The following MYOCD variants were observed in gnomAD, a reference collection of about 807,000 sequenced individuals.
MYOCD encodes the protein myocardin.
A neutral mutation model predicts 96.1 loss-of-function variants in MYOCD; 32 were observed. That is an observed-to-expected ratio of 0.33 (90% CI 0.25 to 0.45). The LOEUF (loss-of-function observed/expected upper bound fraction) is 0.45, where lower values mean the gene tolerates loss of function less well. Among genes scored for constraint, MYOCD ranks in the 20% least tolerant of loss-of-function variants. MYOCD has a pLI of 1.00. For missense variants in MYOCD, 1,133 were observed against 1,200.6 expected (o/e 0.94, Z 0.83); for synonymous variants, 469 against 469.0 (o/e 1.00, Z 0.00).
chr17:12,744,496 A>G (rs1005857060), intron 8 of MYOCD, 60 bp downstream of exon 8: 1 of 1,534,042 alleles, frequency 6.5e-7, no homozygotes, highest in East Asian at 2.5e-5. Flanking sequence ...GTGTCTATTA[A>G]TATCTATCTG....
chr17:12,757,897 C>T (rs538498297), intron 11 of MYOCD, among the ~76,000 whole-genome samples, 188 bp from the exon 12 acceptor site: 4 of 152,250 alleles, frequency 2.6e-5, no homozygotes, highest in African/African-American at 7.2e-5. Flanking sequence ...TTCTAAGACG[C>T]CACCACCAAT....
chr17:12,764,730 T>TG lies in MYOCD; in HGVS notation c.*1088dup, dbSNP rs1226575224. 6.6e-6 allele frequency: 1 copy of TG among 152,334 alleles called. No homozygotes were observed. The highest frequency in any genetic ancestry group is 1.9e-4 in the East Asian group (1 of 5,180). The allele number at this position is 152,334 out of a possible 1,614,324, so 9.4% of individuals were successfully genotyped here. Reference sequence around the variant, plus strand: ...TACCAATCCTTTCCTGTTCCTCGTTTGGCCATCTTTCTTTTTCTGCCTCCA... The same window carrying TG: ...TACCAATCCTTTCCTGTTCCTCGTTTGGGCCATCTTTCTTTTTCTGCCTCCA... On this transcript the variant is annotated 3_prime_UTR_variant, in exon 14 of 14. Transcript: ENST00000425538.
intron 1 of MYOCD, among the ~76,000 whole-genome samples, chr17:12,700,579 A>ATGATATTGAAAGAT (rs1567577995): frequency 3.3e-5 from 5 of 150,626 alleles, no homozygotes; most frequent in African/African-American, 1.2e-4. Context: ...ACACCCAGCT[A>ATGATATTGAAAGAT]ATTTTTTTGT....
In MYOCD at chr17:12,739,056, A is replaced by C. The variant is rs148065458; in HGVS notation, c.592-147A>C. 668 of 801,634 alleles carry C rather than the reference A, an allele frequency of 8.3e-4. 3 individuals carry two copies. In the African/African-American group the frequency reaches 0.01, roughly 13 times the overall value. 49.7% of individuals were successfully genotyped at this position (801,634 alleles called of 1,614,324 possible). A position where few individuals can be genotyped will look rare whatever the true frequency, so the allele number is the denominator to read the frequency against. On this transcript the variant is annotated intron_variant, in intron 6 of 13. Coordinates refer to ENST00000425538, the MANE Select transcript of MYOCD (RefSeq NM_001146312.3). ...ATATATACACACATATACGTATGTGACTCCTCCCACTGAGGGAGTAGGCTG... is the reference window on the plus strand; with the variant it reads ...ATATATACACACATATACGTATGTGCCTCCTCCCACTGAGGGAGTAGGCTG...
chr17:12,717,444 A>G lies in MYOCD; in HGVS notation c.253+23A>G, dbSNP rs12944823. ...AAGGTAAGGCTGCAAGAAATCAGAC[A>G]CCAAGAGATGCTGCAGAATGGTGGG... On this transcript the variant is annotated intron_variant, in intron 4 of 13. Coordinates refer to ENST00000425538, the MANE Select transcript of MYOCD (RefSeq NM_001146312.3). 0.77 allele frequency: 1,214,185 copies of G among 1,587,076 alleles called. 467,080 individuals carry two copies. The highest frequency in any genetic ancestry group is 0.79 in the Non-Finnish European group (910,555 of 1,156,936).
chr17:12,667,060 C>T (rs1004124433), intron 1 of MYOCD, among the ~76,000 whole-genome samples: 1 of 152,224 alleles, frequency 6.6e-6, no homozygotes, highest in African/African-American at 2.4e-5. Flanking sequence ...TGGTTAACAA[C>T]ACACTCAACA....
At chr17:12,702,406 CTACT>C (rs1181481853) in intron 1 of MYOCD, among the ~76,000 whole-genome samples, 1 of 151,786 alleles carries the variant, frequency 6.6e-6, no homozygotes, top group Non-Finnish European at 1.5e-5. Flanking sequence ...TTTTTTCCAT[CTACT>C]TACTTTCAAC....
chr17:12,699,814 C>T (rs1026491331), intron 1 of MYOCD, among the ~76,000 whole-genome samples: 1 of 150,896 alleles, frequency 6.6e-6, no homozygotes, highest in Non-Finnish European at 1.5e-5. Flanking sequence ...TAGTTGCATA[C>T]ATCAAGTAGC....
intron 2 of MYOCD, among the ~76,000 whole-genome samples, chr17:12,715,183 T>C (rs1296701661): frequency 2.0e-5 from 3 of 152,130 alleles, no homozygotes; most frequent in South Asian, 2.1e-4. Context: ...AGTCTACACC[T>C]CTCCCTCAAA....
At position 12,765,907 on chromosome 17, in the gene MYOCD, A is replaced by G. The variant is rs1257227319; in HGVS notation, c.*2263A>G. The G allele has an allele frequency of 6.6e-6, 1 of 152,216 alleles. No homozygotes were observed. The highest frequency in any genetic ancestry group is 1.5e-5 in the Non-Finnish European group (1 of 68,020). The allele number at this position is 152,216 out of a possible 1,614,324, so 9.4% of individuals were successfully genotyped here. On this transcript the variant is annotated 3_prime_UTR_variant, in exon 14 of 14. Transcript: ENST00000425538. ...AAGAAAATCATTTTACATTCCTTTT[A>G]TCTGTATTGTGCTTTAAAAGATCCA... is the stretch of plus-strand genomic sequence containing the variant.
At chr17:12,736,060 A>G in intron 5 of MYOCD, 101 bp from the exon 6 acceptor site, 1 of 902,032 alleles carries the variant, frequency 1.1e-6, no homozygotes, top group South Asian at 1.6e-5. Context: ...CTGGAGAGAG[A>G]GAGGTGTATT....
At chr17:12,714,949 A>C (rs2031592980) in intron 2 of MYOCD, among the ~76,000 whole-genome samples, 2 of 152,018 alleles carry the variant, frequency 1.3e-5, no homozygotes, top group South Asian at 4.2e-4. Flanking sequence ...GTTGGAGTTA[A>C]CTTCCCTGTC....
chr17:12,690,574 G>C (rs2030396676), intron 1 of MYOCD, among the ~76,000 whole-genome samples: 1 of 151,998 alleles, frequency 6.6e-6, no homozygotes, highest in Non-Finnish European at 1.5e-5. Context: ...GGAAAAGCAA[G>C]GCACAAAATA....
chr17:12,744,659 T>G (rs2032610669), intron 8 of MYOCD, among the ~76,000 whole-genome samples: 1 of 152,178 alleles, frequency 6.6e-6, no homozygotes, highest in Non-Finnish European at 1.5e-5. Context: ...GCAGATGTAT[T>G]CCAAACCCTC....
chr17:12,750,430 T>A (rs868517031), intron 9 of MYOCD, among the ~76,000 whole-genome samples: 1 of 152,148 alleles, frequency 6.6e-6, no homozygotes, highest in Non-Finnish European at 1.5e-5. Context: ...GGCTCACGCC[T>A]GTAATCCCAG....
intron 1 of MYOCD, among the ~76,000 whole-genome samples, chr17:12,697,338 T>C (rs867514252): frequency 1.3e-5 from 1 of 76,140 alleles, no homozygotes; most frequent in Admixed American, 1.6e-4. Context: ...TATAGGAGTA[T>C]ATATATATAT....
At chr17:12,693,072 C>T (rs536993121) in intron 1 of MYOCD, among the ~76,000 whole-genome samples, 1 of 152,074 alleles carries the variant, frequency 6.6e-6, no homozygotes, top group East Asian at 1.9e-4. Context: ...CTATACTTGA[C>T]CCACAAGTTT....
intron 10 of MYOCD, among the ~76,000 whole-genome samples, chr17:12,754,869 GC>G (rs1373259006): frequency 6.6e-6 from 1 of 152,198 alleles, no homozygotes; most frequent in African/African-American, 2.4e-5. Flanking sequence ...AAACCTATGA[GC>G]TCCAATGTAT....
At chr17:12,738,393 T>C (rs1000338396) in intron 6 of MYOCD, among the ~76,000 whole-genome samples, 1 of 152,100 alleles carries the variant, frequency 6.6e-6, no homozygotes, top group Non-Finnish European at 1.5e-5. Context: ...AATTTTTCCC[T>C]TTACAGACTC....
Sources: gnomAD v4.1 joint callset for allele counts (sites outside exome capture counted in the v4.1 genomes callset) on GRCh38, gnomAD v4.1.1 for gene constraint, MANE v1.5 for transcripts, NCBI Gene and HGNC (gene_info 2026-07-23, HGNC 2026-07-21) for gene names.